The following STAU2 variants were observed in gnomAD, a reference collection of about 807,000 sequenced individuals.
STAU2 encodes the protein double-stranded RNA-binding protein Staufen homolog 2.
Under a neutral mutation model 65.9 loss-of-function variants are expected in STAU2, and 20 were observed. That is an observed-to-expected ratio of 0.30 (90% CI 0.21 to 0.44). The LOEUF (loss-of-function observed/expected upper bound fraction) is 0.44, where lower values mean the gene tolerates loss of function less well. Among genes scored for constraint, STAU2 ranks in the 20% least tolerant of loss-of-function variants. The probability of loss-of-function intolerance (pLI) is 1.00; values close to 1 mark genes in which losing one functional copy is unlikely to be tolerated. For synonymous variants in STAU2, 232 were observed against 233.9 expected, an observed-to-expected ratio of 0.99 and a Z score of 0.07; for missense variants, 558 against 683.9, an observed-to-expected ratio of 0.82 and a Z score of 2.05.
At chr8:73,431,830 T>G (rs1817322746) in intron 13 of STAU2, among the ~76,000 whole-genome samples, 1 of 152,170 alleles carries the variant, frequency 6.6e-6, no homozygotes, top group East Asian at 1.9e-4. Context: ...TGTTGTCAAT[T>G]AGCAATTTGC....
intron 13 of STAU2, among the ~76,000 whole-genome samples, chr8:73,530,737 G>GA (rs1483665909): frequency 6.6e-6 from 1 of 151,996 alleles, no homozygotes; most frequent in Non-Finnish European, 1.5e-5. Flanking sequence ...TAGTGTACCT[G>GA]AAAAAACAAA....
chr8:73,470,327 AG>A (rs1287556301), intron 13 of STAU2, among the ~76,000 whole-genome samples: 1 of 152,190 alleles, frequency 6.6e-6, no homozygotes, highest in Non-Finnish European at 1.5e-5. Flanking sequence ...GCTTCTATAA[AG>A]GGAAGAATTT....
chr8:73,585,064 T>C lies in STAU2; in HGVS notation c.1162-2234A>G, dbSNP rs569688980. ...CGTTTCCAGAATCCTGGAGCAGTTC[T>C]ACAATTAGCCACAGGATTCTAGTCT... On this transcript the variant is annotated intron_variant, in intron 11 of 14. Transcript: ENST00000524300. 3.3e-5 allele frequency among the ~76,000 whole-genome samples: 5 copies of C among 152,262 alleles called. 1 individual carries two copies. Among genetic ancestry groups the C allele is most frequent in the Non-Finnish European group, 7.3e-5 (5 of 68,042 alleles).
intron 10 of STAU2, among the ~76,000 whole-genome samples, chr8:73,597,356 A>C (rs1811259974): frequency 6.6e-6 from 1 of 152,048 alleles, no homozygotes; most frequent in Admixed American, 6.6e-5. Context: ...ATTACAAAAT[A>C]ATAAGGATTA....
At chr8:73,651,480 G>C in intron 6 of STAU2, 2 of 690,240 alleles carry the variant, frequency 2.9e-6, no homozygotes, top group South Asian at 2.8e-5. Context: ...CAGCTGAACA[G>C]CCTCTTCTCG....
intron 13 of STAU2, among the ~76,000 whole-genome samples, chr8:73,489,428 A>T (rs1339419775): frequency 6.6e-6 from 1 of 152,026 alleles, no homozygotes; most frequent in Non-Finnish European, 1.5e-5. Context: ...GTCTTAATCT[A>T]ATGTACCGTT....
At chr8:73,506,017 T>G (rs1183132305) in intron 13 of STAU2, among the ~76,000 whole-genome samples, 1 of 152,120 alleles carries the variant, frequency 6.6e-6, no homozygotes, top group Non-Finnish European at 1.5e-5. Flanking sequence ...AATTGTAACC[T>G]TTCTAAGGCC....
At chr8:73,594,240 A>G (rs1314248845) in intron 11 of STAU2, among the ~76,000 whole-genome samples, 2 of 152,362 alleles carry the variant, frequency 1.3e-5, no homozygotes, top group Admixed American at 1.3e-4. Context: ...TGAAATCTCT[A>G]GCAATAATAC....
rs572713159 is a variant in STAU2 at position 73,687,764 on chromosome 8, T to C, written c.274+890A>G. Among the ~76,000 whole-genome samples the C allele has an allele frequency of 3.1e-4, 47 of 151,954 alleles. No homozygotes were observed. The South Asian group carries it at 9.1e-3, about 30-fold the overall frequency. The stretch of plus-strand genomic sequence containing the variant: ...TCTCGCTCTGTCGCCCAGGCTGGAG[T>C]GCAGTGGCACGATCTTGGCTCACTG... On this transcript the variant is annotated intron_variant, in intron 5 of 14. Coordinates refer to ENST00000524300, the MANE Select transcript of STAU2 (RefSeq NM_001164380.2).
intron 13 of STAU2, among the ~76,000 whole-genome samples, chr8:73,549,057 T>C (rs1807138448): frequency 6.6e-6 from 1 of 152,308 alleles, no homozygotes; most frequent in African/African-American, 2.4e-5. Context: ...TTTTGCATAA[T>C]AAGTTTCTTT....
At chr8:73,603,622 G>A (rs1811796073) in intron 10 of STAU2, 104 bp downstream of exon 10, 1 of 1,436,258 alleles carries the variant, frequency 7.0e-7, no homozygotes, top group Admixed American at 2.3e-5. Context: ...ACTGGAAACA[G>A]TTTTACTTTC....
intron 13 of STAU2, among the ~76,000 whole-genome samples, chr8:73,465,761 T>C (rs1163212274): frequency 6.6e-6 from 1 of 152,206 alleles, no homozygotes; most frequent in Non-Finnish European, 1.5e-5. Flanking sequence ...TCCCCTTCCC[T>C]TGTTGTCTTT....
intron 13 of STAU2, among the ~76,000 whole-genome samples, chr8:73,519,152 T>A (rs909309156): frequency 1.3e-5 from 2 of 152,154 alleles, no homozygotes; most frequent in African/African-American, 4.8e-5. Context: ...GCTGCTGACG[T>A]ACAGAGCAAG....
At chr8:73,439,055 T>C (rs1275003100) in intron 13 of STAU2, 1 of 456,734 alleles carries the variant, frequency 2.2e-6, no homozygotes, top group Non-Finnish European at 4.4e-6. Context: ...AATTAACTGA[T>C]GGATGTGTCT....
At chr8:73,527,602 G>A in intron 13 of STAU2, 1 of 927,692 alleles carries the variant, frequency 1.1e-6, no homozygotes, top group South Asian at 1.7e-5. Context: ...GGAAAGCAAA[G>A]CTGCATGTGC....
At chr8:73,620,844 C>A (rs1813173433) in intron 6 of STAU2, among the ~76,000 whole-genome samples, 1 of 152,048 alleles carries the variant, frequency 6.6e-6, no homozygotes, top group African/African-American at 2.4e-5. Flanking sequence ...GTTTGAATAC[C>A]TTATATATCA....
chr8:73,743,193 A>G (rs1807003621), intron 1 of STAU2, among the ~76,000 whole-genome samples: 2 of 152,044 alleles, frequency 1.3e-5, no homozygotes, highest in Non-Finnish European at 2.9e-5. Context: ...AAACTATTCT[A>G]GTGGAAAACT....
rs184815925 is a variant in STAU2, at chr8:73,443,865, T to G, written c.1531-21163A>C. On this transcript the variant is annotated intron_variant, in intron 13 of 14. Transcript: ENST00000524300. Reference sequence around the variant, plus strand: ...CCTGTCTCTTAAAAAAAAAAAAAAGTAGTGACTTGTGATTTGTGATCTGGA... The same window carrying G: ...CCTGTCTCTTAAAAAAAAAAAAAAGGAGTGACTTGTGATTTGTGATCTGGA... 7.2e-3 allele frequency among the ~76,000 whole-genome samples: 1,001 copies of G among 138,764 alleles called. 5 individuals are homozygous for G. The highest frequency in any genetic ancestry group is 0.025 in the African/African-American group (959 of 37,786). 91.0% of individuals were successfully genotyped at this position (138,764 alleles called of 152,430 possible). A position where few individuals can be genotyped will look rare whatever the true frequency, so the allele number is the denominator to read the frequency against.
In STAU2 at chr8:73,577,441, T is replaced by TTA. The variant is rs369079649; in HGVS notation, c.1222+5327_1222+5328dup. Among the ~76,000 whole-genome samples, 1,258 of 145,088 alleles carry TTA rather than the reference T, an allele frequency of 8.7e-3. 15 individuals are homozygous for TTA. The highest frequency in any genetic ancestry group is 0.028 in the African/African-American group (1,099 of 39,202). On this transcript the variant is annotated intron_variant, in intron 12 of 14. Coordinates refer to ENST00000524300, the MANE Select transcript of STAU2 (RefSeq NM_001164380.2). The stretch of plus-strand genomic sequence containing the variant: ...GACTCCATCTCAAAAAAAAAAAAAA[T>TTA]TATATATATATATATACACACACAT...
Sources: allele counts gnomAD v4.1 joint callset (sites outside exome capture counted in the v4.1 genomes callset), GRCh38; gene constraint gnomAD v4.1.1; transcripts MANE v1.5; gene names NCBI Gene and HGNC (gene_info 2026-07-23, HGNC 2026-07-21).